The following ZNF837 variants were observed in gnomAD, a reference collection of about 807,000 sequenced individuals.
The protein encoded by ZNF837 is zinc finger protein 837.
For synonymous variants in ZNF837, 475 were observed against 365.2 expected, an observed-to-expected ratio of 1.30 and a Z score of -3.43; for missense variants, 955 against 801.7, an observed-to-expected ratio of 1.19 and a Z score of -2.31.
rs1446145544 is a variant in ZNF837, at chr19:58,368,997, C to T, written c.336G>A (p.Glu112=). 2.6e-6 allele frequency: 4 copies of T among 1,519,960 alleles called. No individual in the cohort carries two copies. The highest frequency in any genetic ancestry group is 2.7e-6 in the Non-Finnish European group (3 of 1,130,766). The allele number at this position is 1,519,960 out of a possible 1,614,324, so 94.2% of individuals were successfully genotyped here. A position where few individuals can be genotyped will look rare whatever the true frequency, so the allele number is the denominator to read the frequency against. The change falls in exon 3 of 3, where the codon GAG becomes GAA. Residue 112 remains glutamate, a synonymous_variant. Transcript: ENST00000597582. ...CACGCGCTGGGCTCCTACAGGGGCC[C>T]TCCCGGGCTTGCAGCCCCTCGGGGA... ...LVIPEGLQAR[E]GPCRSPARGG...
Position 58,369,089 on chromosome 19 carries a change from CGCTGTGCCGGGTCCCCGGGCCGGG to C in ZNF837, c.220_243del (p.Pro74_Ser81del). The C allele has an allele frequency of 1.3e-6, 2 of 1,513,442 alleles. No homozygotes were observed. Among genetic ancestry groups the C allele is most frequent in the Non-Finnish European group, 1.8e-6 (2 of 1,130,810 alleles). The allele number at this position is 1,513,442 out of a possible 1,614,324, so 93.8% of individuals were successfully genotyped here. A position where few individuals can be genotyped will look rare whatever the true frequency, so the allele number is the denominator to read the frequency against. ...TCCCGCACGAGGGGTCTGGTCCCGGCGCTGTGCCGGGTCCCCGGGCCGGGGCTCACCCCGAGGCTGCAGCCCCGG... is the reference window on the plus strand; with the variant it reads ...TCCCGCACGAGGGGTCTGGTCCCGGCGCTCACCCCGAGGCTGCAGCCCCGG... On this transcript the variant is annotated inframe_deletion, in exon 3 of 3. Coordinates refer to ENST00000597582, the MANE Select transcript of ZNF837 (RefSeq NM_138466.2).
chr19:58,376,944 G>C (rs578051389), intron 1 of ZNF837, among the ~76,000 whole-genome samples: 41 of 151,312 alleles, frequency 2.7e-4, no homozygotes, highest in Non-Finnish European at 5.7e-4. Context: ...ATGGCCGGAC[G>C]TGGTGACTCA....
chr19:58,369,267 G>T lies in ZNF837; in HGVS notation c.66C>A (p.Ser22=). Residue 22 remains serine, a synonymous_variant, in exon 3 of 3, where the codon TCC becomes TCA. Transcript: ENST00000597582. ...CCTCGGGCCTCTTCTCCCGGGCCCC[G>T]GAGGCACCCTGGGCATCGGCCTTGG... ...GLPKADAQGA[S]GAREKRPEEP... The T allele has an allele frequency of 7.1e-7, 1 of 1,409,412 alleles. No homozygotes were observed. The allele number at this position is 1,409,412 out of a possible 1,614,324, so 87.3% of individuals were successfully genotyped here.
chr19:58,376,592 GAAAGA>G (rs1377352900), intron 1 of ZNF837, among the ~76,000 whole-genome samples: 2 of 77,258 alleles, frequency 2.6e-5, no homozygotes, highest in Non-Finnish European at 5.6e-5. Context: ...AAAAAAAAAA[GAAAGA>G]AAAGAAAAAA....
Position 58,368,127 on chromosome 19 carries a change from CTGGTT to C in ZNF837, c.1201_1205del (p.Asn401AlafsTer160). 1 of 1,574,192 alleles carries C rather than the reference CTGGTT, an allele frequency of 6.4e-7. No individual in the cohort carries two copies. The highest frequency in any genetic ancestry group is 1.8e-5 in the Admixed American group (1 of 54,300). ...GCTGGTGCCGGCTCAGGTTCGAGCG[CTGGTT>C]GAAGGCCTTGCCGCACTCGGGGCAC... is the stretch of plus-strand genomic sequence containing the variant. On this transcript the variant is annotated frameshift_variant, in exon 3 of 3. Coordinates refer to ENST00000597582, the MANE Select transcript of ZNF837 (RefSeq NM_138466.2). LOFTEE classifies it low-confidence loss of function (END_TRUNC).
At chr19:58,370,386 A>G (rs2052188906) in intron 1 of ZNF837, among the ~76,000 whole-genome samples, 1 of 152,134 alleles carries the variant, frequency 6.6e-6, no homozygotes, top group Non-Finnish European at 1.5e-5. Flanking sequence ...TAGGCCAACC[A>G]CACATAATCC....
At chr19:58,369,462 C>T (rs1449636950) in intron 2 of ZNF837, 101 bp from the exon 3 acceptor site, 2 of 1,006,056 alleles carry the variant, frequency 2.0e-6, no homozygotes, top group Non-Finnish European at 2.6e-6. Flanking sequence ...ACCTACTGGG[C>T]GGCCCCCAGC....
Position 58,368,076 on chromosome 19 carries a change from G to T in ZNF837, c.1257C>A (p.Tyr419Ter). ...HQRTHSSAKP[Y>*]ACPLCEKAFK... is the part of the protein sequence containing the mutation. ...AGGCCTTTTCGCACAGTGGGCACGC[G>T]TAGGGCTTGGCGCTGCTGTGAGTGC... Residue 419 changes from tyrosine to a stop codon, truncating the protein, a stop_gained, in exon 3 of 3, where the codon TAC becomes TAA. Transcript: ENST00000597582. LOFTEE classifies it low-confidence loss of function (END_TRUNC). 6.5e-7 allele frequency: 1 copy of T among 1,549,670 alleles called. No individual in the cohort carries two copies. Among genetic ancestry groups the T allele is most frequent in the Non-Finnish European group, 8.7e-7 (1 of 1,150,680 alleles).
In ZNF837 at chr19:58,368,023, T is replaced by A. The variant is rs1425644770; in HGVS notation, c.1310A>T (p.His437Leu). Residue 437 changes from histidine (H) to leucine (L), a missense_variant, in exon 3 of 3, where the codon CAC becomes CTC. By Grantham distance (99) the His-to-Leu change is moderately conservative. Coordinates refer to ENST00000597582, the MANE Select transcript of ZNF837 (RefSeq NM_138466.2). ...AFKGRSGLVQHQRAHTGERPY... is the reference protein window; with the variant it reads ...AFKGRSGLVQLQRAHTGERPY... ...CCGCTCGCCGGTGTGCGCGCGCTGG[T>A]GTTGCACCAGGCCCGAGCGGCCCTT... 1 of 1,535,596 alleles carries A rather than the reference T, an allele frequency of 6.5e-7. No individual in the cohort carries two copies. The highest frequency in any genetic ancestry group is 2.0e-5 in the Admixed American group (1 of 50,662).
intron 1 of ZNF837, among the ~76,000 whole-genome samples, chr19:58,375,400 G>A (rs2052236846): frequency 6.8e-6 from 1 of 146,238 alleles, no homozygotes; most frequent in Admixed American, 6.9e-5. Context: ...AACCTGAATT[G>A]TAAAATGGTT....
At chr19:58,372,350 C>CA (rs1460722192) in intron 1 of ZNF837, among the ~76,000 whole-genome samples, 1 of 152,140 alleles carries the variant, frequency 6.6e-6, no homozygotes, top group Non-Finnish European at 1.5e-5. Context: ...TGAGTCACCG[C>CA]ACCCAGCCGA....
chr19:58,375,268 AAGTATATATATATATATATATATATAT>A (rs780487859), intron 1 of ZNF837, among the ~76,000 whole-genome samples: 1 of 51,770 alleles, frequency 1.9e-5, no homozygotes, highest in Non-Finnish European at 3.1e-5. Flanking sequence ...AAAAAAAAAA[AAGTATATATATATATATATATATATAT>A]ATATATATAT....
chr19:58,377,809 A>C (rs2052261570), intron 1 of ZNF837, among the ~76,000 whole-genome samples: 1 of 152,198 alleles, frequency 6.6e-6, no homozygotes, highest in Admixed American at 6.5e-5. Flanking sequence ...CAAGACATGG[A>C]GACACACATT....
At position 58,368,109 on chromosome 19, in the gene ZNF837, C is replaced by G. The variant is rs1265573710; in HGVS notation, c.1224G>C (p.Arg408=). 1.3e-6 allele frequency: 2 copies of G among 1,568,760 alleles called. No homozygotes were observed. The highest frequency in any genetic ancestry group is 1.9e-5 in the Admixed American group (1 of 53,670). ...TGGCGCTGCTGTGAGTGCGCTGGTG[C>G]CGGCTCAGGTTCGAGCGCTGGTTGA... is the stretch of plus-strand genomic sequence containing the variant. ...KAFNQRSNLS[R]HQRTHSSAKP... is the part of the protein sequence containing the mutation. Residue 408 remains arginine (R), a synonymous_variant, in exon 3 of 3, where the codon CGG becomes CGC. Coordinates refer to ENST00000597582, the MANE Select transcript of ZNF837 (RefSeq NM_138466.2).
chr19:58,371,059 G>A (rs929357465), intron 1 of ZNF837, among the ~76,000 whole-genome samples: 1 of 151,978 alleles, frequency 6.6e-6, no homozygotes, highest in Non-Finnish European at 1.5e-5. Context: ...GGCTAACACG[G>A]TGAAACCCCG....
rs1245808020 is a variant in ZNF837, at chr19:58,369,214, GCT to G, written c.117_118del (p.Ala40TrpfsTer17). On this transcript the variant is annotated frameshift_variant, in exon 3 of 3. Coordinates refer to ENST00000597582, the MANE Select transcript of ZNF837 (RefSeq NM_138466.2). LOFTEE classifies it low-confidence loss of function (END_TRUNC). The stretch of plus-strand genomic sequence containing the variant: ...CCCCTTTTGAGTGGGGCGGCTCCCA[GCT>G]CGGTCCTCTTCGAGGGGCCTCGGCT... 1 of 1,441,104 alleles carries G rather than the reference GCT, an allele frequency of 6.9e-7. No individual in the cohort carries two copies. The highest frequency in any genetic ancestry group is 1.5e-5 in the African/African-American group (1 of 66,834). The allele number at this position is 1,441,104 out of a possible 1,614,324, so 89.3% of individuals were successfully genotyped here. A position where few individuals can be genotyped will look rare whatever the true frequency, so the allele number is the denominator to read the frequency against.
Position 58,367,961 on chromosome 19 carries a change from C to A in ZNF837, c.1372G>T (p.Gly458Cys). ...TCGTGCTGGCGCAGCTCGGAGCAGC[C>A]GCGGAAGGTCTTTCCGCACTCGGAG... ...GCSECGKTFR[G>C]CSELRQHERL... Residue 458 changes from glycine to cysteine, a missense_variant, in exon 3 of 3, where the codon GGC becomes TGC. Coordinates refer to ENST00000597582, the MANE Select transcript of ZNF837 (RefSeq NM_138466.2). 1 of 1,532,462 alleles carries A rather than the reference C, an allele frequency of 6.5e-7. No homozygotes were observed. The highest frequency in any genetic ancestry group is 1.4e-5 in the African/African-American group (1 of 72,836). The allele number at this position is 1,532,462 out of a possible 1,614,324, so 94.9% of individuals were successfully genotyped here.
At chr19:58,376,978 G>C (rs2052253476) in intron 1 of ZNF837, among the ~76,000 whole-genome samples, 1 of 151,816 alleles carries the variant, frequency 6.6e-6, no homozygotes, top group Non-Finnish European at 1.5e-5. Context: ...AACACTTTGG[G>C]AGGCCAAGGT....
In ZNF837 at chr19:58,378,401, C is replaced by G. The variant is rs546754050; in HGVS notation, c.-140+2540G>C. On this transcript the variant is annotated intron_variant, in intron 1 of 2. Coordinates refer to ENST00000597582, the MANE Select transcript of ZNF837 (RefSeq NM_138466.2). The stretch of plus-strand genomic sequence containing the variant: ...TTGGGCACCTGCCTTGCTATTAGCT[C>G]CAAGGCTGCTGGCTTCATGTCACAG... Among the ~76,000 whole-genome samples the G allele has an allele frequency of 3.3e-5, 5 of 152,274 alleles. No individual in the cohort carries two copies. The South Asian group carries it at 1.0e-3, about 32-fold the overall frequency.
Sources: gnomAD v4.1 joint callset for allele counts (sites outside exome capture counted in the v4.1 genomes callset) on GRCh38, gnomAD v4.1.1 for gene constraint, MANE v1.5 for transcripts, NCBI Gene and HGNC (gene_info 2026-07-23, HGNC 2026-07-21) for gene names.